The following IQSEC1 variants were observed in gnomAD, a reference collection of about 807,000 sequenced individuals.
IQSEC1 encodes IQ motif and Sec7 domain ArfGEF 1.
In IQSEC1, 31 loss-of-function variants were observed where a neutral mutation model predicts 91.0. The observed-to-expected ratio is 0.34, with a 90% CI of 0.26 to 0.46. IQSEC1 has a LOEUF of 0.46. Among genes scored for constraint, IQSEC1 ranks in the 20% least tolerant of loss-of-function variants. The pLI, the probability that IQSEC1 is intolerant of heterozygous loss-of-function variation, is 1.00. For synonymous variants in IQSEC1, 699 were observed against 662.6 expected, an observed-to-expected ratio of 1.05 and a Z score of -0.84; for missense variants, 1,388 against 1,575.6, an observed-to-expected ratio of 0.88 and a Z score of 2.02.
chr3:13,182,797 T>C (rs1358079703), intron 1 of IQSEC1, among the ~76,000 whole-genome samples: 1 of 152,182 alleles, frequency 6.6e-6, no homozygotes, highest in East Asian at 1.9e-4. Flanking sequence ...AAGCAGTACC[T>C]GAAAGAAATA....
chr3:13,087,034 T>G (rs780921911), intron 2 of IQSEC1, among the ~76,000 whole-genome samples: 5 of 152,150 alleles, frequency 3.3e-5, no homozygotes, highest in Non-Finnish European at 5.9e-5. Flanking sequence ...CACTCCCTCA[T>G]TCACCCCCAG....
At chr3:13,098,109 A>G (rs1434617771) in intron 2 of IQSEC1, among the ~76,000 whole-genome samples, 7 of 152,268 alleles carry the variant, frequency 4.6e-5, no homozygotes, top group Non-Finnish European at 8.8e-5. Context: ...ACCCTAGGTC[A>G]GGTCTTCAGG....
intron 1 of IQSEC1, among the ~76,000 whole-genome samples, chr3:13,272,102 C>T (rs903463445): frequency 3.3e-5 from 5 of 152,168 alleles, no homozygotes; most frequent in African/African-American, 7.2e-5. Context: ...CTGAACAAAA[C>T]GGACTGAAAC....
At chr3:13,114,775 A>G (rs376758056) in intron 2 of IQSEC1, among the ~76,000 whole-genome samples, 12 of 146,142 alleles carry the variant, frequency 8.2e-5, no homozygotes, top group East Asian at 8.0e-4. Context: ...CCTGGGTGAC[A>G]GAGTGAGACA....
At chr3:13,188,549 G>T (rs965429278) in intron 1 of IQSEC1, among the ~76,000 whole-genome samples, 1 of 152,224 alleles carries the variant, frequency 6.6e-6, no homozygotes, top group Non-Finnish European at 1.5e-5. Flanking sequence ...GCCCAGAAAG[G>T]TTAGGTGACT....
chr3:12,909,716 G>A lies in IQSEC1; in HGVS notation c.2417-282C>T, dbSNP rs59924485. 2.2e-4 allele frequency among the ~76,000 whole-genome samples: 33 copies of A among 152,338 alleles called. No individual in the cohort carries two copies. The highest frequency in any genetic ancestry group is 6.0e-4 in the African/African-American group (25 of 41,576). Reference sequence around the variant, plus strand: ...CGTCCTGGAGGAGGACAGAGGTTGCGTCCTGAGAAAGGTGGGAGTCTTCTC... The same window carrying A: ...CGTCCTGGAGGAGGACAGAGGTTGCATCCTGAGAAAGGTGGGAGTCTTCTC... On this transcript the variant is annotated intron_variant, in intron 10 of 13. Transcript: ENST00000613206. The surrounding 1 kb of genome is among the most constrained non-coding windows in gnomAD (Gnocchi z 4.9).
At chr3:13,006,970 G>A (rs553108010) in intron 1 of IQSEC1, among the ~76,000 whole-genome samples, 36 of 152,202 alleles carry the variant, frequency 2.4e-4, no homozygotes, top group Non-Finnish European at 4.4e-4. Flanking sequence ...CTCTGCTACC[G>A]GCGGGTATCT....
chr3:13,037,885 G>T (rs1704095728), intron 1 of IQSEC1, among the ~76,000 whole-genome samples: 1 of 152,188 alleles, frequency 6.6e-6, no homozygotes, highest in Non-Finnish European at 1.5e-5. Flanking sequence ...TGTTTAACGG[G>T]TACAGAGTTT....
At chr3:13,181,269 TCAAACAAA>T (rs139859471) in intron 1 of IQSEC1, among the ~76,000 whole-genome samples, 24 of 18,464 alleles carry the variant, frequency 1.3e-3, no homozygotes, top group East Asian at 0.012. Context: ...AGACTCCGTC[TCAAACAAA>T]CAAACAAACA....
intron 1 of IQSEC1, among the ~76,000 whole-genome samples, chr3:13,204,435 C>T (rs1258197778): frequency 1.3e-5 from 2 of 152,284 alleles, no homozygotes; most frequent in Non-Finnish European, 2.9e-5. Flanking sequence ...CACTGTCGCA[C>T]TTCCCCCTCC....
At chr3:13,085,864 A>G (rs909610407) in intron 2 of IQSEC1, among the ~76,000 whole-genome samples, 18 of 152,194 alleles carry the variant, frequency 1.2e-4, no homozygotes, top group Admixed American at 2.0e-4. Context: ...GAACACAGAC[A>G]TAGTGTCTTC....
At chr3:13,132,236 G>C (rs1003331584) in intron 2 of IQSEC1, among the ~76,000 whole-genome samples, 1 of 152,218 alleles carries the variant, frequency 6.6e-6, no homozygotes, top group African/African-American at 2.4e-5. Context: ...AGAGCTAATT[G>C]TTTCCACTGC....
At position 12,967,709 on chromosome 3, in the gene IQSEC1, C is replaced by A. The variant is rs966582496; in HGVS notation, c.24-25844G>T. The A allele has an allele frequency of 1.8e-6, 2 of 1,123,802 alleles. No individual in the cohort carries two copies. The highest frequency in any genetic ancestry group is 4.4e-5 in the South Asian group (1 of 22,822). The allele number at this position is 1,123,802 out of a possible 1,614,324, so 69.6% of individuals were successfully genotyped here. ...CGCTTGGCGCAGCGCGAGGCCGGGCCGGAGGAATGTGGCCCTGAAGTGGGC... is the reference window on the plus strand; with the variant it reads ...CGCTTGGCGCAGCGCGAGGCCGGGCAGGAGGAATGTGGCCCTGAAGTGGGC... On this transcript the variant is annotated intron_variant, in intron 1 of 13. Transcript: ENST00000613206. The surrounding 1 kb of genome is among the most constrained non-coding windows in gnomAD (Gnocchi z 5.9).
At chr3:13,107,381 G>GT (rs1419775434) in intron 2 of IQSEC1, among the ~76,000 whole-genome samples, 1 of 152,226 alleles carries the variant, frequency 6.6e-6, no homozygotes, top group Non-Finnish European at 1.5e-5. Flanking sequence ...GGTTGCTATA[G>GT]TTAATTAAGT....
At chr3:13,261,160 G>A (rs1695379195) in intron 1 of IQSEC1, among the ~76,000 whole-genome samples, 1 of 152,322 alleles carries the variant, frequency 6.6e-6, no homozygotes, top group Non-Finnish European at 1.5e-5. Flanking sequence ...GCGCCCTCCA[G>A]GACCTGTTCC....
chr3:13,132,411 T>C (rs358390), intron 2 of IQSEC1, among the ~76,000 whole-genome samples: 66,226 of 152,048 alleles, frequency 0.44, 14,574 homozygotes, highest in South Asian at 0.65. Context: ...CAGCCTCTGG[T>C]AGTTTTCTCA....
Position 12,899,149 on chromosome 3 carries a change from A to T in IQSEC1, c.*1834T>A. ...ATTTGCTGGTACGGTGATCTCAATG[A>T]TATGACCGAGGGTGGGAGGGATGTG... On this transcript the variant is annotated 3_prime_UTR_variant, in exon 14 of 14. Transcript: ENST00000613206. 1.8e-6 allele frequency: 1 copy of T among 562,468 alleles called. No homozygotes were observed. The highest frequency in any genetic ancestry group is 3.2e-6 in the Non-Finnish European group (1 of 312,950). 34.8% of individuals were successfully genotyped at this position (562,468 alleles called of 1,614,324 possible).
At position 12,920,591 on chromosome 3, in the gene IQSEC1, C is replaced by T. The variant is rs767579651; in HGVS notation, c.1859G>A (p.Arg620His). ...VERLIEAFSQ[R>H]YCICNPGVVR... ...CACCCCAGGGTTGCAGATGCAGTAGCGCTGGCTGCGGGCCGGGAGGGAGGG... is the reference window on the plus strand; with the variant it reads ...CACCCCAGGGTTGCAGATGCAGTAGTGCTGGCTGCGGGCCGGGAGGGAGGG... The change falls in exon 6 of 14, where the codon CGC becomes CAC. Residue 620 changes from arginine to histidine, a missense_variant. Physicochemically the swap from Arg to His is conservative, Grantham distance 29. Transcript: ENST00000613206. The T allele has an allele frequency of 1.4e-5, 22 of 1,613,808 alleles. No individual in the cohort carries two copies. The highest frequency in any genetic ancestry group is 9.3e-5 in the African/African-American group (7 of 75,034).
chr3:13,200,206 CACTA>C (rs1694217450), intron 1 of IQSEC1, among the ~76,000 whole-genome samples: 1 of 151,044 alleles, frequency 6.6e-6, no homozygotes, highest in African/African-American at 2.4e-5. Flanking sequence ...ACACATCACA[CACTA>C]TATGCATACA....
Sources: allele counts gnomAD v4.1 joint callset (sites outside exome capture counted in the v4.1 genomes callset), GRCh38; gene constraint gnomAD v4.1.1; non-coding constraint Gnocchi (gnomAD v3.1); transcripts MANE v1.5; gene names NCBI Gene and HGNC (gene_info 2026-07-23, HGNC 2026-07-21).